Variants in ARL8B observed in about 807,000 individuals in gnomAD.
ARL8B encodes the protein ADP-ribosylation factor-like protein 8B.
ARL8B carries 9 observed loss-of-function variants against 30.6 expected under a neutral mutation model. The observed-to-expected ratio is 0.29, with a 90% CI of 0.18 to 0.51. The LOEUF (loss-of-function observed/expected upper bound fraction) is 0.51. Ranked by LOEUF, ARL8B falls within the 20% of genes least tolerant of loss-of-function variation. The pLI is 0.97. For synonymous variants in ARL8B, 74 were observed against 76.0 expected (o/e 0.97, Z 0.14); for missense variants, 130 against 227.2 (o/e 0.57, Z 2.75).
chr3:5,150,546 G>GC (rs2054473413), intron 1 of ARL8B, among the ~76,000 whole-genome samples: 1 of 152,020 alleles, frequency 6.6e-6, no homozygotes, highest in African/African-American at 2.4e-5. Flanking sequence ...ACTTTGGTAG[G>GC]CCAAGGTGGG....
intron 1 of ARL8B, among the ~76,000 whole-genome samples, chr3:5,152,223 A>G (rs933106190): frequency 2.0e-5 from 3 of 152,086 alleles, no homozygotes; most frequent in Non-Finnish European, 2.9e-5. Context: ...GTTTATTTCA[A>G]TTCTATCAAT....
At chr3:5,152,632 C>G (rs79537663) in intron 1 of ARL8B, among the ~76,000 whole-genome samples, 1 of 152,192 alleles carries the variant, frequency 6.6e-6, no homozygotes, top group Non-Finnish European at 1.5e-5. Flanking sequence ...ACTAAGGGCG[C>G]GTGCCGCCAC....
intron 4 of ARL8B, among the ~76,000 whole-genome samples, chr3:5,173,433 T>C (rs2054695414): frequency 6.6e-6 from 1 of 152,214 alleles, no homozygotes; most frequent in South Asian, 2.1e-4. Flanking sequence ...ATAGTAAACC[T>C]GTACTAAGAA....
chr3:5,148,410 A>T (rs1420783539), intron 1 of ARL8B, among the ~76,000 whole-genome samples: 1 of 152,062 alleles, frequency 6.6e-6, no homozygotes, highest in African/African-American at 2.4e-5. Flanking sequence ...TTAAATTTGG[A>T]TAAGGATTTA....
rs2054561895 is a variant in ARL8B at position 5,159,508 on chromosome 3, A to G, written c.124-10995A>G. On this transcript the variant is annotated intron_variant, in intron 1 of 6. Coordinates refer to ENST00000256496, the MANE Select transcript of ARL8B (RefSeq NM_018184.3). ...TTCCAGCTACTTGGGAGGCTGAGGC[A>G]GGAGAATCCCTTGAACCTGGGAGGT... 2.0e-5 allele frequency among the ~76,000 whole-genome samples: 3 copies of G among 147,252 alleles called. No individual in the cohort carries two copies. The Admixed American group carries it at 2.1e-4, about 10-fold the overall frequency.
At chr3:5,177,818 C>T (rs1383494292) in intron 6 of ARL8B, among the ~76,000 whole-genome samples, 4 of 152,182 alleles carry the variant, frequency 2.6e-5, no homozygotes, top group Admixed American at 2.0e-4. Flanking sequence ...CCATTCAGTT[C>T]CAATGAGTGT....
chr3:5,169,877 G>A (rs1051792972), intron 1 of ARL8B, among the ~76,000 whole-genome samples: 1 of 152,176 alleles, frequency 6.6e-6, no homozygotes, highest in Non-Finnish European at 1.5e-5. Flanking sequence ...GGCACAATTC[G>A]AGTTCTGTAT....
Position 5,179,968 on chromosome 3 carries a change from A to C in ARL8B, c.*1255A>C, listed in dbSNP as rs1021739857. ...TTTTGTAGTTTAGCGACTTCCGTAT[A>C]CATAAAGGGACATATTAATACTGGT... On this transcript the variant is annotated 3_prime_UTR_variant, in exon 7 of 7. Coordinates refer to ENST00000256496, the MANE Select transcript of ARL8B (RefSeq NM_018184.3). The C allele has an allele frequency of 1.2e-4, 19 of 152,684 alleles. No individual in the cohort carries two copies. Among genetic ancestry groups the C allele is most frequent in the African/African-American group, 4.6e-4 (19 of 41,472 alleles). 9.5% of individuals were successfully genotyped at this position (152,684 alleles called of 1,614,324 possible). A position where few individuals can be genotyped will look rare whatever the true frequency, so the allele number is the denominator to read the frequency against.
At chr3:5,149,069 C>A (rs576322638) in intron 1 of ARL8B, among the ~76,000 whole-genome samples, 3 of 152,198 alleles carry the variant, frequency 2.0e-5, no homozygotes, top group African/African-American at 7.2e-5. Flanking sequence ...GAGAACGGAA[C>A]CGTGGATTGG....
At chr3:5,171,563 G>C (rs1009369194) in intron 2 of ARL8B, among the ~76,000 whole-genome samples, 1 of 152,074 alleles carries the variant, frequency 6.6e-6, no homozygotes, top group Non-Finnish European at 1.5e-5. Flanking sequence ...GGCCAGGCTG[G>C]TCTCGAACTC....
intron 2 of ARL8B, among the ~76,000 whole-genome samples, chr3:5,171,200 C>G (rs184048741): frequency 6.6e-6 from 1 of 152,188 alleles, no homozygotes; most frequent in Admixed American, 6.5e-5. Context: ...ATGCTTGTTA[C>G]CAGTGCTTTA....
chr3:5,136,952 G>A (rs1462694111), intron 1 of ARL8B, among the ~76,000 whole-genome samples: 1 of 152,142 alleles, frequency 6.6e-6, no homozygotes, highest in Non-Finnish European at 1.5e-5. Context: ...CAAATTATCT[G>A]TTCATTGGTC....
At position 5,122,348 on chromosome 3, in the gene ARL8B, T is replaced by C. The variant is rs528380632; in HGVS notation, c.-118T>C. The C allele has an allele frequency of 8.0e-5, 124 of 1,549,412 alleles. 1 individual carries two copies. In the South Asian group the frequency reaches 1.4e-3, roughly 18 times the overall value. ...GCTGCCGCCCGCCGGTGTCCGCCCG[T>C]GTCGCGCCGGGGCACCAAGGAGCCG... On this transcript the variant is annotated 5_prime_UTR_variant, in exon 1 of 7. Coordinates refer to ENST00000256496, the MANE Select transcript of ARL8B (RefSeq NM_018184.3).
At chr3:5,168,434 G>T (rs2054642260) in intron 1 of ARL8B, among the ~76,000 whole-genome samples, 1 of 152,168 alleles carries the variant, frequency 6.6e-6, no homozygotes, top group Admixed American at 6.5e-5. Flanking sequence ...AAGAATTTTG[G>T]AGTAAAAACT....
In ARL8B at chr3:5,153,205, G is replaced by A. The variant is rs368618123; in HGVS notation, c.124-17298G>A. Among the ~76,000 whole-genome samples, 91 of 152,168 alleles carry A rather than the reference G, an allele frequency of 6.0e-4. 2 individuals are homozygous for A. In the South Asian group the frequency reaches 0.014, roughly 23 times the overall value. ...CCCCCTTTATATTGTAGTCATTATC[G>A]GTAATATACTGATAGGACTTGGCAG... On this transcript the variant is annotated intron_variant, in intron 1 of 6. Transcript: ENST00000256496.
intron 1 of ARL8B, among the ~76,000 whole-genome samples, chr3:5,150,012 C>T (rs1007652490): frequency 6.6e-6 from 1 of 152,118 alleles, no homozygotes; most frequent in Non-Finnish European, 1.5e-5. Context: ...TATCTTATAT[C>T]ATTGTACTTG....
chr3:5,148,979 G>A (rs937402999), intron 1 of ARL8B, among the ~76,000 whole-genome samples: 1 of 152,138 alleles, frequency 6.6e-6, no homozygotes, highest in Non-Finnish European at 1.5e-5. Context: ...TTTCTTCCCT[G>A]TGTACTCGAC....
intron 1 of ARL8B, chr3:5,157,062 GCAGA>G (rs1274634454): frequency 1.3e-5 from 2 of 152,144 alleles, no homozygotes; most frequent in African/African-American, 2.4e-5. Context: ...TTTTGTTATA[GCAGA>G]CAGTTAACTC....
intron 1 of ARL8B, among the ~76,000 whole-genome samples, chr3:5,126,294 TG>T (rs1222401948): frequency 1.3e-5 from 2 of 152,192 alleles, no homozygotes; most frequent in African/African-American, 4.8e-5. Flanking sequence ...CTGCACTTTT[TG>T]TATTGTATAT....
Sources: gnomAD v4.1 joint callset for allele counts (sites outside exome capture counted in the v4.1 genomes callset) on GRCh38, gnomAD v4.1.1 for gene constraint, MANE v1.5 for transcripts, NCBI Gene and HGNC (gene_info 2026-07-23, HGNC 2026-07-21) for gene names.